The following RIMS2 variants were observed in gnomAD, a reference collection of about 807,000 sequenced individuals.
RIMS2 encodes the protein regulating synaptic membrane exocytosis 2, also known as regulating synaptic membrane exocytosis protein 2.
Under a neutral mutation model 174.4 loss-of-function variants are expected in RIMS2, and 59 were observed. The ratio of observed to expected loss-of-function variants is 0.34; its 90% CI spans 0.27 to 0.42. The LOEUF is 0.42. RIMS2 is among the 10% of genes least tolerant of loss of function. The probability of loss-of-function intolerance (pLI) is 1.00; values close to 1 mark genes in which losing one functional copy is unlikely to be tolerated. For synonymous variants in RIMS2, 606 were observed against 572.5 expected, an observed-to-expected ratio of 1.06 and a Z score of -0.84; for missense variants, 1,620 against 1,666.3, an observed-to-expected ratio of 0.97 and a Z score of 0.48.
intron 1 of RIMS2, among the ~76,000 whole-genome samples, chr8:103,591,534 G>A (rs1223823391): frequency 6.6e-6 from 1 of 150,724 alleles, no homozygotes; most frequent in Non-Finnish European, 1.5e-5. Flanking sequence ...ATCTTTATAG[G>A]TTTAACTTTT....
chr8:103,951,959 G>A (rs1296849114), intron 14 of RIMS2, among the ~76,000 whole-genome samples: 1 of 152,166 alleles, frequency 6.6e-6, no homozygotes, highest in Non-Finnish European at 1.5e-5. Context: ...AGGCGGTTTC[G>A]ACCTCACAGT....
intron 3 of RIMS2, among the ~76,000 whole-genome samples, chr8:103,835,103 CT>C (rs528538789): frequency 1.7e-3 from 225 of 130,776 alleles, no homozygotes; most frequent in Admixed American, 3.4e-3. Context: ...CTTTTCTTTT[CT>C]TTTTTTTTTT....
chr8:103,539,372 A>G (rs555004794), intron 1 of RIMS2, among the ~76,000 whole-genome samples: 1 of 152,342 alleles, frequency 6.6e-6, no homozygotes, highest in South Asian at 2.1e-4. Context: ...ACACACAAAA[A>G]CAAGTATAGA....
intron 19 of RIMS2, among the ~76,000 whole-genome samples, chr8:104,042,667 G>T (rs1333689298): frequency 2.0e-5 from 3 of 151,622 alleles, no homozygotes; most frequent in African/African-American, 7.2e-5. Flanking sequence ...TCAGGATAGA[G>T]AATATATGTT....
intron 19 of RIMS2, among the ~76,000 whole-genome samples, chr8:104,165,620 C>T (rs1356352647): frequency 6.6e-6 from 1 of 151,502 alleles, no homozygotes; most frequent in Non-Finnish European, 1.5e-5. Flanking sequence ...TATGATTGTT[C>T]CATCAGTCTT....
chr8:104,226,399 A>G (rs1019193714), intron 19 of RIMS2, among the ~76,000 whole-genome samples: 79 of 152,276 alleles, frequency 5.2e-4, no homozygotes, highest in African/African-American at 1.8e-3. Flanking sequence ...TTGAGTTTCC[A>G]TTCTACACAA....
intron 17 of RIMS2, among the ~76,000 whole-genome samples, chr8:103,992,279 T>G: frequency 6.9e-6 from 1 of 144,092 alleles, no homozygotes; most frequent in South Asian, 2.2e-4. Context: ...CAGCTATTTT[T>G]TTTTTTTTTT....
chr8:104,146,497 C>T (rs2098641187), intron 19 of RIMS2, among the ~76,000 whole-genome samples: 1 of 152,104 alleles, frequency 6.6e-6, no homozygotes, highest in South Asian at 2.1e-4. Context: ...TATTGTTTAT[C>T]TGCAAAATGA....
At chr8:104,108,498 C>G (rs1044341236) in intron 19 of RIMS2, among the ~76,000 whole-genome samples, 1 of 151,850 alleles carries the variant, frequency 6.6e-6, no homozygotes, top group Non-Finnish European at 1.5e-5. Context: ...TGGGATTTTG[C>G]TGCGTGCCCA....
At chr8:103,990,863 T>A (rs1450470486) in intron 17 of RIMS2, among the ~76,000 whole-genome samples, 1 of 151,948 alleles carries the variant, frequency 6.6e-6, no homozygotes, top group Non-Finnish European at 1.5e-5. Context: ...GACAAATAAA[T>A]GCTGTCTAAA....
chr8:104,123,953 A>T (rs2098406901), intron 19 of RIMS2, among the ~76,000 whole-genome samples: 1 of 152,174 alleles, frequency 6.6e-6, no homozygotes, highest in South Asian at 2.1e-4. Flanking sequence ...CAATAAAGCA[A>T]AGCTCAATAA....
At chr8:103,564,312 A>G (rs947828367) in intron 1 of RIMS2, among the ~76,000 whole-genome samples, 1 of 152,190 alleles carries the variant, frequency 6.6e-6, no homozygotes, top group African/African-American at 2.4e-5. Context: ...TTGGGAGACT[A>G]TGGTTTTATT....
rs556511627 is a variant in RIMS2, at chr8:104,173,790, G to T, written c.3335-71126G>T. On this transcript the variant is annotated intron_variant, in intron 19 of 23. Coordinates refer to ENST00000504942, the Ensembl canonical transcript of RIMS2. ...ACTACAGGCACCCGCCACCATGCCT[G>T]GCTAATTTTTTGTATTTTTAGTAGA... is the stretch of plus-strand genomic sequence containing the variant. Among the ~76,000 whole-genome samples the T allele has an allele frequency of 2.3e-3, 353 of 150,326 alleles. 1 individual carries two copies. Among genetic ancestry groups the T allele is most frequent in the African/African-American group, 8.2e-3 (336 of 41,126 alleles).
intron 1 of RIMS2, among the ~76,000 whole-genome samples, chr8:103,619,210 G>A (rs1266679762): frequency 2.6e-5 from 4 of 151,410 alleles, no homozygotes; most frequent in Non-Finnish European, 5.9e-5. Flanking sequence ...TGAAGTAAGA[G>A]TATCTTAGAA....
chr8:103,673,460 G>T (rs748090742), intron 1 of RIMS2, among the ~76,000 whole-genome samples: 3 of 152,194 alleles, frequency 2.0e-5, no homozygotes, highest in Non-Finnish European at 2.9e-5. Flanking sequence ...CTAGGAGGAG[G>T]CTGCCGAGAT....
intron 1 of RIMS2, among the ~76,000 whole-genome samples, chr8:103,676,612 T>C (rs2096817358): frequency 6.6e-6 from 1 of 151,084 alleles, no homozygotes; most frequent in Admixed American, 6.6e-5. Context: ...GGAATAACAA[T>C]ACTGAAATAT....
chr8:103,703,923 T>C (rs944549433), intron 2 of RIMS2, among the ~76,000 whole-genome samples: 1 of 152,084 alleles, frequency 6.6e-6, no homozygotes, highest in Non-Finnish European at 1.5e-5. Context: ...GACTGTGTTA[T>C]CTGTGTAAAA....
intron 2 of RIMS2, among the ~76,000 whole-genome samples, chr8:103,742,815 T>A (rs12678440): frequency 1.3e-5 from 2 of 152,180 alleles, no homozygotes; most frequent in African/African-American, 4.8e-5. Flanking sequence ...TCTGGAGCAG[T>A]GCATTCTTTC....
At chr8:103,895,801 C>G (rs1433390137) in intron 4 of RIMS2, among the ~76,000 whole-genome samples, 1 of 151,388 alleles carries the variant, frequency 6.6e-6, no homozygotes, top group African/African-American at 2.4e-5. Context: ...TAGTAACTTT[C>G]TTGGACTTAA....
Sources: allele counts gnomAD v4.1 joint callset (sites outside exome capture counted in the v4.1 genomes callset), GRCh38; gene constraint gnomAD v4.1.1; transcripts MANE v1.5; gene names NCBI Gene and HGNC (gene_info 2026-07-23, HGNC 2026-07-21).